MYO1E: variants seen among roughly 807,000 people sequenced by gnomAD.
The protein encoded by MYO1E is myosin IE.
MYO1E carries 68 observed loss-of-function variants against 151.1 expected under a neutral mutation model. The ratio of observed to expected loss-of-function variants is 0.45; its 90% CI spans 0.37 to 0.55. MYO1E has a LOEUF of 0.55. Ranked by LOEUF, MYO1E falls within the 20% of genes least tolerant of loss-of-function variation. The pLI is 0.00. For synonymous variants in MYO1E, 601 were observed against 501.7 expected (o/e 1.20, Z -2.64); for missense variants, 1,363 against 1,389.3 (o/e 0.98, Z 0.30).
chr15:59,185,012 T>A (rs561115278), intron 18 of MYO1E, among the ~76,000 whole-genome samples: 5 of 152,234 alleles, frequency 3.3e-5, no homozygotes, highest in African/African-American at 7.2e-5. Flanking sequence ...ACTGTAGTTT[T>A]ATTTTGGCTT....
At chr15:59,173,337 TG>T (rs1362997156) in intron 21 of MYO1E, among the ~76,000 whole-genome samples, 1 of 152,218 alleles carries the variant, frequency 6.6e-6, no homozygotes, top group Non-Finnish European at 1.5e-5. Context: ...CATGAGAAAC[TG>T]GTTAAAAATA....
At chr15:59,166,244 C>T (rs4775122) in intron 22 of MYO1E, among the ~76,000 whole-genome samples, 148,632 of 152,322 alleles carry the variant, frequency 0.98, 72,608 homozygotes, top group East Asian at 1. Context: ...CCTTAGCCCA[C>T]GCTCCTGAAC....
chr15:59,310,647 T>C (rs369248990), intron 1 of MYO1E, among the ~76,000 whole-genome samples: 113 of 152,226 alleles, frequency 7.4e-4, no homozygotes, highest in African/African-American at 2.6e-3. Flanking sequence ...GCCTTCGGAA[T>C]TGTGAGAACA....
intron 1 of MYO1E, among the ~76,000 whole-genome samples, chr15:59,285,485 G>GT (rs2080382180): frequency 6.7e-6 from 1 of 150,074 alleles, no homozygotes; most frequent in Admixed American, 6.8e-5. Flanking sequence ...AGCCCCCCGA[G>GT]TGGCTGGGCT....
chr15:59,233,579 G>T (rs1027689948), intron 5 of MYO1E, among the ~76,000 whole-genome samples: 1 of 145,414 alleles, frequency 6.9e-6, no homozygotes, highest in Non-Finnish European at 1.5e-5. Flanking sequence ...CAGGAGAATC[G>T]CTTGAACCCA....
intron 16 of MYO1E, among the ~76,000 whole-genome samples, chr15:59,196,027 T>G (rs1176781142): frequency 1.3e-5 from 2 of 152,336 alleles, no homozygotes. Context: ...CACTCTCTTT[T>G]CTGGCAATCC....
chr15:59,223,842 C>G (rs1227820063), intron 8 of MYO1E, among the ~76,000 whole-genome samples: 2 of 152,162 alleles, frequency 1.3e-5, no homozygotes, highest in Non-Finnish European at 2.9e-5. Context: ...CACTCTAGGA[C>G]CAGTGTGCAG....
intron 4 of MYO1E, among the ~76,000 whole-genome samples, chr15:59,251,244 A>C (rs1480516970): frequency 1.3e-5 from 2 of 152,238 alleles, no homozygotes; most frequent in Admixed American, 1.3e-4. Flanking sequence ...GCATCTGATC[A>C]AGTCATTAGA....
intron 17 of MYO1E, among the ~76,000 whole-genome samples, chr15:59,194,963 G>C (rs1052191363): frequency 2.6e-5 from 4 of 151,722 alleles, no homozygotes; most frequent in Non-Finnish European, 5.9e-5. Flanking sequence ...TCATCAATAC[G>C]GTGCTTAGGG....
intron 14 of MYO1E, chr15:59,208,171 C>G: frequency 8.0e-7 from 1 of 1,254,628 alleles, no homozygotes. Context: ...AACTTGAATT[C>G]CTAAAAGATG....
intron 1 of MYO1E, among the ~76,000 whole-genome samples, chr15:59,278,173 G>C (rs540050045): frequency 6.6e-6 from 1 of 152,352 alleles, no homozygotes; most frequent in East Asian, 1.9e-4. Context: ...TGGACAGTAA[G>C]ATAGTATCAT....
intron 26 of MYO1E, among the ~76,000 whole-genome samples, chr15:59,150,188 T>C (rs1352584357): frequency 6.6e-6 from 1 of 152,216 alleles, no homozygotes; most frequent in Non-Finnish European, 1.5e-5. Flanking sequence ...GCCTACTAAT[T>C]GTGTTTTACA....
intron 25 of MYO1E, among the ~76,000 whole-genome samples, chr15:59,156,660 C>G (rs2079511278): frequency 6.6e-6 from 1 of 152,208 alleles, no homozygotes. Flanking sequence ...TTATCTTGGA[C>G]ATTGGTACAA....
chr15:59,371,630 T>C (rs549757602), intron 1 of MYO1E, among the ~76,000 whole-genome samples: 1 of 152,218 alleles, frequency 6.6e-6, no homozygotes, highest in East Asian at 1.9e-4. Context: ...CTTCCACACA[T>C]TCCCAAAGTG....
chr15:59,148,724 ACAGGCAG>A (rs1186661416), intron 26 of MYO1E, among the ~76,000 whole-genome samples: 3 of 152,214 alleles, frequency 2.0e-5, no homozygotes, highest in African/African-American at 7.2e-5. Flanking sequence ...CAAGAGACAC[ACAGGCAG>A]CATTTAAATA....
chr15:59,227,123 C>T (rs978563793), intron 7 of MYO1E, among the ~76,000 whole-genome samples: 15 of 152,208 alleles, frequency 9.9e-5, no homozygotes, highest in African/African-American at 2.2e-4. Context: ...ACTTTCCATC[C>T]GGGCTCTACC....
At chr15:59,326,385 T>G (rs7164494) in intron 1 of MYO1E, among the ~76,000 whole-genome samples, 28,301 of 150,578 alleles carry the variant, frequency 0.19, 3,286 homozygotes, top group African/African-American at 0.32. Flanking sequence ...TAGCCAGGTG[T>G]GGTGGAGCAT....
chr15:59,347,637 TAAAGA>T (rs1449466915), intron 1 of MYO1E, among the ~76,000 whole-genome samples: 4 of 152,004 alleles, frequency 2.6e-5, no homozygotes, highest in Admixed American at 6.6e-5. Flanking sequence ...GGTTTAGGAA[TAAAGA>T]AAAGGATCAA....
intron 1 of MYO1E, among the ~76,000 whole-genome samples, chr15:59,357,593 TTTGTTGTTG>T (rs146568549): frequency 2.0e-5 from 3 of 149,882 alleles, no homozygotes; most frequent in Admixed American, 6.6e-5. Flanking sequence ...CCTGGCTATT[TTTGTTGTTG>T]TTGTTGTTGT....
Sources: gnomAD v4.1 joint callset for allele counts (sites outside exome capture counted in the v4.1 genomes callset) on GRCh38, gnomAD v4.1.1 for gene constraint, MANE v1.5 for transcripts, NCBI Gene and HGNC (gene_info 2026-07-23, HGNC 2026-07-21) for gene names.